ZNF510: variants seen among roughly 807,000 people sequenced by gnomAD.
The protein encoded by ZNF510 is zinc finger protein 510.
ZNF510 carries 15 observed loss-of-function variants against 18.1 expected under a neutral mutation model. The ratio of observed to expected loss-of-function variants is 0.83; its 90% CI spans 0.55 to 1.28. ZNF510 has a LOEUF of 1.28. ZNF510 is among the 50% of genes most tolerant of loss of function. ZNF510 has a pLI of 0.00. For synonymous variants in ZNF510, 261 were observed against 266.4 expected (o/e 0.98, Z 0.20); for missense variants, 724 against 791.8 (o/e 0.91, Z 1.03).
At chr9:96,767,330 AAAAACAAAAC>A (rs374149761) in intron 3 of ZNF510, among the ~76,000 whole-genome samples, 12 of 152,170 alleles carry the variant, frequency 7.9e-5, no homozygotes, top group Admixed American at 3.9e-4. Context: ...TCTGTCTCAA[AAAAACAAAAC>A]AAAACAAAAC....
chr9:96,763,681 T>C, intron 3 of ZNF510, 49 bp from the exon 4 acceptor site: 3 of 1,504,008 alleles, frequency 2.0e-6, no homozygotes, highest in South Asian at 1.4e-5. Context: ...AATTAGATGA[T>C]GTAGAAAATA....
rs760824436 is a variant in ZNF510 at position 96,760,253 on chromosome 9, T to C, written c.577A>G (p.Asn193Asp). The change falls in exon 6 of 6, where the codon AAT becomes GAT. Residue 193 changes from asparagine (N) to aspartate (D), a missense_variant. Asn to Asp is a conservative substitution (Grantham distance 23). Coordinates refer to ENST00000223428, the MANE Select transcript of ZNF510 (RefSeq NM_014930.3). Reference sequence around the variant, plus strand: ...ATTTTCTTTGTTGAATAGTTTCTATTATTAATGATAAATTCAGAAATACTT... The same window carrying C: ...ATTTTCTTTGTTGAATAGTTTCTATCATTAATGATAAATTCAGAAATACTT... ...LQSISEFIIN[N>D]RNYSTKKIGC... is the part of the protein sequence containing the mutation. 3 of 1,612,634 alleles carry C rather than the reference T, an allele frequency of 1.9e-6. No individual in the cohort carries two copies. Among genetic ancestry groups the C allele is most frequent in the Non-Finnish European group, 2.5e-6 (3 of 1,179,344 alleles).
chr9:96,763,190 C>T lies in ZNF510; in HGVS notation c.280G>A (p.Val94Met), dbSNP rs372887200. Residue 94 changes from valine to methionine, a missense_variant, in exon 5 of 6, where the codon GTG becomes ATG. Physicochemically the swap from Val to Met is conservative, Grantham distance 21. Transcript: ENST00000223428. ...SVGYCCFKPE[V>M]IFKLEQGEEP... ...TCTCCTTGCTCCAACTTGAAGATCACCTCTGGTTTGAAACAGCAGTACCCT... is the reference window on the plus strand; with the variant it reads ...TCTCCTTGCTCCAACTTGAAGATCATCTCTGGTTTGAAACAGCAGTACCCT... The T allele has an allele frequency of 2.5e-6, 4 of 1,614,060 alleles. No homozygotes were observed. Among genetic ancestry groups the T allele is most frequent in the Non-Finnish European group, 2.5e-6 (3 of 1,179,964 alleles).
chr9:96,767,036 A>G (rs1426292717), intron 3 of ZNF510, among the ~76,000 whole-genome samples: 1 of 152,212 alleles, frequency 6.6e-6, no homozygotes, highest in African/African-American at 2.4e-5. Flanking sequence ...GAAAATCAAA[A>G]GAGAAATGAG....
In ZNF510 at chr9:96,776,170, G is replaced by T; in HGVS notation, c.-101C>A. 1 of 1,503,418 alleles carries T rather than the reference G, an allele frequency of 6.7e-7. No individual in the cohort carries two copies. The highest frequency in any genetic ancestry group is 2.5e-5 in the East Asian group (1 of 39,338). The allele number at this position is 1,503,418 out of a possible 1,614,324, so 93.1% of individuals were successfully genotyped here. On this transcript the variant is annotated 5_prime_UTR_variant, in exon 2 of 6. Coordinates refer to ENST00000223428, the MANE Select transcript of ZNF510 (RefSeq NM_014930.3). ...TGGGTTCTTCTGCATCTGTTTGGAA[G>T]CCCTGGTGAGGAGGTCTCTGTTCTG...
chr9:96,776,048 T>C lies in ZNF510; in HGVS notation c.22A>G (p.Ile8Val), dbSNP rs201603140. ...GTGTTCAGTGTCACACAATCTGTGATGGCTTCTGGATGTGGCGACATCACC... is the reference window on the plus strand; with the variant it reads ...GTGTTCAGTGTCACACAATCTGTGACGGCTTCTGGATGTGGCGACATCACC... MSPHPEA[I>V]TDCVTLNTVG... Residue 8 changes from isoleucine (I) to valine (V), a missense_variant, in exon 2 of 6, where the codon ATC (isoleucine) becomes GTC (valine). By Grantham distance (29) the Ile-to-Val change is conservative (BLOSUM62 3). Coordinates refer to ENST00000223428, the MANE Select transcript of ZNF510 (RefSeq NM_014930.3). 3.7e-5 allele frequency: 60 copies of C among 1,607,684 alleles called. No individual in the cohort carries two copies. The highest frequency in any genetic ancestry group is 1.7e-5 in the Admixed American group (1 of 59,352).
At chr9:96,774,942 C>A in intron 2 of ZNF510, 96 bp from the exon 3 acceptor site, 1 of 1,012,976 alleles carries the variant, frequency 9.9e-7, no homozygotes, top group South Asian at 1.4e-5. Flanking sequence ...GGCCTCTCTA[C>A]AAAAAATGTT....
Position 96,759,873 on chromosome 9 carries a change from C to T in ZNF510, c.957G>A (p.Glu319=). The part of the protein sequence containing the change: ...LHLNQCGKSF[E]KSTVEEYNKL... Reference sequence around the variant, plus strand: ...TATTATATTCCTCCACAGTTGACTTCTCAAAGGATTTCCCACATTGATTAA... The same window carrying T: ...TATTATATTCCTCCACAGTTGACTTTTCAAAGGATTTCCCACATTGATTAA... Residue 319 remains glutamate, a synonymous_variant, in exon 6 of 6, where the codon GAG becomes GAA. Coordinates refer to ENST00000223428, the MANE Select transcript of ZNF510 (RefSeq NM_014930.3). 6.2e-7 allele frequency: 1 copy of T among 1,613,270 alleles called. No homozygotes were observed. The highest frequency in any genetic ancestry group is 8.5e-7 in the Non-Finnish European group (1 of 1,179,946).
chr9:96,774,793 A>C lies in ZNF510; in HGVS notation c.124T>G (p.Ser42Ala). ...LFQEQQKMNI[S>A]QASVSFKDVT... ...GGTATTAGTAATTAACTCACCTGAG[A>C]TATGTTCATTTTCTGCTGCTCCTGA... The change falls in exon 3 of 6, where the codon TCT becomes GCT. Residue 42 changes from serine to alanine, a missense_variant. Ser to Ala is a moderately conservative substitution (Grantham distance 99). Coordinates refer to ENST00000223428, the MANE Select transcript of ZNF510 (RefSeq NM_014930.3). 6 of 1,613,464 alleles carry C rather than the reference A, an allele frequency of 3.7e-6. No homozygotes were observed. Among genetic ancestry groups the C allele is most frequent in the Non-Finnish European group, 4.2e-6 (5 of 1,179,806 alleles).
At chr9:96,769,082 A>ATAAC (rs1475647648) in intron 3 of ZNF510, among the ~76,000 whole-genome samples, 3 of 152,142 alleles carry the variant, frequency 2.0e-5, no homozygotes, top group Non-Finnish European at 1.5e-5. Flanking sequence ...TGATGCTGGG[A>ATAAC]TAACTGAATC....
At chr9:96,772,427 T>G (rs12342866) in intron 3 of ZNF510, among the ~76,000 whole-genome samples, 9,029 of 152,180 alleles carry the variant, frequency 0.059, 880 homozygotes, top group African/African-American at 0.2. Flanking sequence ...TGTTGTCAAA[T>G]ATATTATTTA....
In ZNF510 at chr9:96,754,611, G is replaced by T. The variant is rs917467073; in HGVS notation, c.*4167C>A. Among the ~76,000 whole-genome samples, 2 of 152,080 alleles carry T rather than the reference G, an allele frequency of 1.3e-5. No homozygotes were observed. Among genetic ancestry groups the T allele is most frequent in the African/African-American group, 4.8e-5 (2 of 41,438 alleles). ...ATGTTTTGGTTGACAAAGATCTGAA[G>T]AACAGTTCTGTACACTTCTGAAGAT... On this transcript the variant is annotated 3_prime_UTR_variant, in exon 6 of 6. Transcript: ENST00000223428.
Position 96,776,216 on chromosome 9 carries a change from G to A in ZNF510, c.-147C>T. 7.4e-7 allele frequency: 1 copy of A among 1,356,742 alleles called. No homozygotes were observed. The allele number at this position is 1,356,742 out of a possible 1,614,324, so 84.0% of individuals were successfully genotyped here. On this transcript the variant is annotated 5_prime_UTR_variant, in exon 2 of 6. Coordinates refer to ENST00000223428, the MANE Select transcript of ZNF510 (RefSeq NM_014930.3). The stretch of plus-strand genomic sequence containing the variant: ...TTCTGTCAGAGAGCAGTTCTTCGGT[G>A]GGACTCCTGTTCCTGGGGCTCCCTC...
chr9:96,765,427 GCT>G (rs1849447202), intron 3 of ZNF510, among the ~76,000 whole-genome samples: 1 of 152,084 alleles, frequency 6.6e-6, no homozygotes, highest in Admixed American at 6.6e-5. Context: ...TCTTGTTTCA[GCT>G]CTGATACTGT....
At chr9:96,769,631 T>A (rs1437593873) in intron 3 of ZNF510, among the ~76,000 whole-genome samples, 1 of 152,142 alleles carries the variant, frequency 6.6e-6, no homozygotes, top group African/African-American at 2.4e-5. Context: ...ACCATCAAGA[T>A]AGTGAAAAGA....
intron 3 of ZNF510, among the ~76,000 whole-genome samples, chr9:96,769,437 C>CAAAAAAAAAAAAAAAAA (rs71485393): frequency 7.9e-6 from 1 of 126,318 alleles, no homozygotes; most frequent in African/African-American, 3.2e-5. Flanking sequence ...ATTCCGTCTC[C>CAAAAAAAAAAAAAAAAA]AAAAAAAAAA....
chr9:96,762,617 A>C (rs963517009), intron 5 of ZNF510, among the ~76,000 whole-genome samples: 1 of 152,180 alleles, frequency 6.6e-6, no homozygotes, highest in Non-Finnish European at 1.5e-5. Flanking sequence ...AACATTCCAT[A>C]TCCTCACCAA....
In ZNF510 at chr9:96,760,258, A is replaced by G; in HGVS notation, c.572T>C (p.Ile191Thr). 1 of 1,612,726 alleles carries G rather than the reference A, an allele frequency of 6.2e-7. No individual in the cohort carries two copies. The highest frequency in any genetic ancestry group is 1.3e-5 in the African/African-American group (1 of 74,964). ...CTTTGTTGAATAGTTTCTATTATTA[A>G]TGATAAATTCAGAAATACTTTGCAA... ...VNLQSISEFI[I>T]NNRNYSTKKI... The change falls in exon 6 of 6, where the codon ATT (isoleucine) becomes ACT (threonine). Residue 191 changes from isoleucine (I) to threonine (T), a missense_variant. Physicochemically the swap from Ile to Thr is moderately conservative, Grantham distance 89 (BLOSUM62 -1). Transcript: ENST00000223428.
At position 96,762,968 on chromosome 9, in the gene ZNF510, A is replaced by G. The variant is rs10114343; in HGVS notation, c.352+150T>C. 7,947 of 622,072 alleles carry G rather than the reference A, an allele frequency of 0.013. 461 individuals are homozygous for G. In the African/African-American group the frequency reaches 0.13, roughly 10 times the overall value. The allele number at this position is 622,072 out of a possible 1,614,324, so 38.5% of individuals were successfully genotyped here. ...CAAATTTCTTACTTTTAATGGAATC[A>G]ACTTTATTAATTATTTTCTTTTAAC... On this transcript the variant is annotated intron_variant, in intron 5 of 5. Coordinates refer to ENST00000223428, the MANE Select transcript of ZNF510 (RefSeq NM_014930.3).
Sources: allele counts gnomAD v4.1 joint callset (sites outside exome capture counted in the v4.1 genomes callset), GRCh38; gene constraint gnomAD v4.1.1; transcripts MANE v1.5; gene names NCBI Gene and HGNC (gene_info 2026-07-23, HGNC 2026-07-21).